DPP6: variants seen among roughly 807,000 people sequenced by gnomAD.
DPP6 encodes the protein dipeptidyl peptidase like 6.
Under a neutral mutation model 122.6 loss-of-function variants are expected in DPP6, and 69 were observed. That is an observed-to-expected ratio of 0.56 (90% confidence interval 0.46 to 0.69). The LOEUF (loss-of-function observed/expected upper bound fraction) is 0.69. Ranked by LOEUF, DPP6 falls within the 30% of genes least tolerant of loss-of-function variation. DPP6 has a pLI of 0.00. For missense variants in DPP6, 928 were observed against 1,116.9 expected, an observed-to-expected ratio of 0.83 and a Z score of 2.41; for synonymous variants, 418 against 433.1, an observed-to-expected ratio of 0.97 and a Z score of 0.43.
intron 5 of DPP6, among the ~76,000 whole-genome samples, chr7:154,635,028 C>T (rs1203333398): frequency 6.6e-6 from 1 of 152,162 alleles, no homozygotes; most frequent in Non-Finnish European, 1.5e-5. Context: ...CAACAGCGAA[C>T]ACGGACTTCT....
In DPP6 at chr7:154,245,635, C is replaced by CA. The variant is rs71182888; in HGVS notation, c.243+192589dup. On this transcript the variant is annotated intron_variant, in intron 1 of 25. Transcript: ENST00000377770. ...CTGGGCAACAAGAGTAAGACTGTCTCAAAAAAAAAAAAAAAAAGCTATGGC... is the reference window on the plus strand; with the variant it reads ...CTGGGCAACAAGAGTAAGACTGTCTCAAAAAAAAAAAAAAAAAAGCTATGGC... 2.1e-3 allele frequency among the ~76,000 whole-genome samples: 209 copies of CA among 100,616 alleles called. 5 individuals carry two copies. The highest frequency in any genetic ancestry group is 3.5e-3 in the East Asian group (11 of 3,176). The allele number at this position is 100,616 out of a possible 152,430, so 66.0% of individuals were successfully genotyped here. A position where few individuals can be genotyped will look rare whatever the true frequency, so the allele number is the denominator to read the frequency against.
At chr7:154,283,158 T>C (rs1804636829) in intron 1 of DPP6, among the ~76,000 whole-genome samples, 1 of 152,182 alleles carries the variant, frequency 6.6e-6, no homozygotes, top group South Asian at 2.1e-4. Context: ...TCTGTTCACC[T>C]TCTGAACACT....
In DPP6 at chr7:154,892,318, C is replaced by T; in HGVS notation, c.2452-16C>T. 7 of 1,614,012 alleles carry T rather than the reference C, an allele frequency of 4.3e-6. No individual in the cohort carries two copies. The highest frequency in any genetic ancestry group is 5.1e-6 in the Non-Finnish European group (6 of 1,179,892). On this transcript the variant is annotated splice_polypyrimidine_tract_variant and intron_variant, in intron 25 of 25. Transcript: ENST00000377770. Reference sequence around the variant, plus strand: ...CGTATACCTGGGAGAGTAATTTCTCCGTGCCTTCCTTGCAGATTTACCCGG... The same window carrying T: ...CGTATACCTGGGAGAGTAATTTCTCTGTGCCTTCCTTGCAGATTTACCCGG...
At chr7:154,704,804 G>T (rs761781111) in intron 7 of DPP6, among the ~76,000 whole-genome samples, 1 of 152,196 alleles carries the variant, frequency 6.6e-6, no homozygotes, top group African/African-American at 2.4e-5. Context: ...GAAACCAAAA[G>T]ATTTCTGTGA....
rs890663610 is a variant in DPP6, at chr7:154,322,157, T to A, written c.244-124057T>A. Among the ~76,000 whole-genome samples, 185 of 151,038 alleles carry A rather than the reference T, an allele frequency of 1.2e-3. 1 individual carries two copies. The highest frequency in any genetic ancestry group is 1.7e-3 in the Non-Finnish European group (115 of 67,892). On this transcript the variant is annotated intron_variant, in intron 1 of 25. Transcript: ENST00000377770. ...ACGGAAGGACTCTGCCAGCCCTGGC[T>A]AAAGTTATGTGTCCACCTCTAGAGC...
chr7:154,801,402 C>T lies in DPP6; in HGVS notation c.1347C>T (p.Ile449=). ...FSKDGRKFFF[I]RAIPQGGRGK... is the part of the protein sequence containing the mutation. ...AGGATGGCCGAAAGTTTTTCTTCAT[C>T]AGAGCCATCCCCCAGGGAGGACGAG... The change falls in exon 13 of 26, where the codon ATC becomes ATT. Residue 449 remains isoleucine, a synonymous_variant. Coordinates refer to ENST00000377770, the MANE Select transcript of DPP6 (RefSeq NM_130797.4). The T allele has an allele frequency of 1.3e-6, 2 of 1,597,716 alleles. No homozygotes were observed. The highest frequency in any genetic ancestry group is 2.3e-5 in the South Asian group (2 of 87,664).
chr7:154,618,695 A>G lies in DPP6; in HGVS notation c.628-19126A>G, dbSNP rs548001721. Among the ~76,000 whole-genome samples the G allele has an allele frequency of 5.6e-4, 85 of 152,242 alleles. No homozygotes were observed. Among genetic ancestry groups the G allele is most frequent in the African/African-American group, 2.0e-3 (82 of 41,554 alleles). Reference sequence around the variant, plus strand: ...ATATCCATGTGCTGCTCTTACATGTACTGAAAACTCAGCACATGCCTACTA... The same window carrying G: ...ATATCCATGTGCTGCTCTTACATGTGCTGAAAACTCAGCACATGCCTACTA... On this transcript the variant is annotated intron_variant, in intron 5 of 25. Coordinates refer to ENST00000377770, the MANE Select transcript of DPP6 (RefSeq NM_130797.4). The surrounding 1 kb of genome is among the most constrained non-coding windows in gnomAD (Gnocchi z 4.1).
intron 5 of DPP6, among the ~76,000 whole-genome samples, chr7:154,571,122 A>T (rs1831083848): frequency 6.6e-6 from 1 of 152,224 alleles, no homozygotes; most frequent in South Asian, 2.1e-4. Flanking sequence ...TTCTCTTGAA[A>T]TTAAGTTAGA....
the DPP6 span, among the ~76,000 whole-genome samples, chr7:153,880,646 G>A: frequency 6.7e-3 from 1,013 of 152,266 alleles, 9 homozygotes; most frequent in African/African-American, 0.023. Flanking sequence ...TCCTCCTCTT[G>A]GAAATTCGGT....
At chr7:154,407,598 A>T (rs1023439985) in intron 1 of DPP6, among the ~76,000 whole-genome samples, 2 of 152,204 alleles carry the variant, frequency 1.3e-5, no homozygotes, top group African/African-American at 4.8e-5. Flanking sequence ...TGGCCCTTAC[A>T]GTTCATTTTC....
intron 2 of DPP6, among the ~76,000 whole-genome samples, chr7:154,467,662 A>G (rs1821905632): frequency 6.6e-6 from 1 of 152,282 alleles, no homozygotes; most frequent in East Asian, 1.9e-4. Flanking sequence ...ACAGCGTCCA[A>G]CAGCCTTTAT....
chr7:153,991,625 C>A (rs1354362303), intron 1 of DPP6, among the ~76,000 whole-genome samples: 1 of 152,244 alleles, frequency 6.6e-6, no homozygotes, highest in Non-Finnish European at 1.5e-5. Flanking sequence ...TGCATCATGA[C>A]TTTGTCCAAT....
intron 1 of DPP6, among the ~76,000 whole-genome samples, chr7:154,223,071 TGA>T (rs1554494555): frequency 6.7e-6 from 1 of 149,210 alleles, no homozygotes; most frequent in Non-Finnish European, 1.5e-5. Context: ...CTGCTACAGG[TGA>T]GAGAGTCTTG....
chr7:154,861,827 C>G (rs1016103), intron 17 of DPP6, among the ~76,000 whole-genome samples: 39,302 of 152,008 alleles, frequency 0.26, 7,309 homozygotes, highest in African/African-American at 0.5. Flanking sequence ...GTTTTTCCCT[C>G]CTTTTGGTGG....
chr7:154,822,371 G>A (rs1799850707), intron 16 of DPP6, among the ~76,000 whole-genome samples: 1 of 152,184 alleles, frequency 6.6e-6, no homozygotes, highest in African/African-American at 2.4e-5. Context: ...TCACATGGTG[G>A]AAGGGGCAAG....
chr7:154,889,666 C>T, intron 25 of DPP6, 136 bp downstream of exon 25: 1 of 1,404,924 alleles, frequency 7.1e-7, no homozygotes, highest in Non-Finnish European at 9.5e-7. Flanking sequence ...AGCAAGGTCC[C>T]AGCAGGTTGG....
At chr7:153,767,696 C>T in the DPP6 span, among the ~76,000 whole-genome samples, 2 of 152,024 alleles carry the variant, frequency 1.3e-5, no homozygotes, top group African/African-American at 2.4e-5. Flanking sequence ...AAGTGAGAAA[C>T]TTTTAAATGT....
intron 1 of DPP6, among the ~76,000 whole-genome samples, chr7:154,350,593 G>C: frequency 6.6e-6 from 1 of 152,152 alleles, no homozygotes; most frequent in Admixed American, 6.5e-5. Context: ...GGGGGCCTGT[G>C]GTCTGACCCA....
intron 1 of DPP6, among the ~76,000 whole-genome samples, chr7:154,205,411 G>A (rs1472265159): frequency 6.6e-6 from 1 of 152,146 alleles, no homozygotes; most frequent in African/African-American, 2.4e-5. Context: ...GTCATTTCAT[G>A]TAGTTAAATA....
Sources: allele counts gnomAD v4.1 joint callset (sites outside exome capture counted in the v4.1 genomes callset), GRCh38; gene constraint gnomAD v4.1.1; non-coding constraint Gnocchi (gnomAD v3.1); transcripts MANE v1.5; gene names NCBI Gene and HGNC (gene_info 2026-07-23, HGNC 2026-07-21).